Variants in C3orf20 observed in about 807,000 individuals in gnomAD.
C3orf20 encodes uncharacterized protein C3orf20.
Under a neutral mutation model 88.3 loss-of-function variants are expected in C3orf20, and 76 were observed. That is an observed-to-expected ratio of 0.86 (90% CI 0.72 to 1.04). C3orf20 has a LOEUF of 1.04. C3orf20 is among the 50% of genes least tolerant of loss of function. C3orf20 has a pLI of 0.00. For synonymous variants in C3orf20, 436 were observed against 437.4 expected (o/e 1.00, Z 0.04); for missense variants, 1,056 against 1,123.3 (o/e 0.94, Z 0.86).
intron 12 of C3orf20, among the ~76,000 whole-genome samples, chr3:14,754,305 G>A (rs1003850726): frequency 1.3e-5 from 2 of 152,162 alleles, no homozygotes; most frequent in African/African-American, 4.8e-5. Flanking sequence ...ATAAAACAAA[G>A]TCAAGCTCTG....
chr3:14,757,077 C>A (rs893156393), intron 12 of C3orf20, among the ~76,000 whole-genome samples: 1 of 152,068 alleles, frequency 6.6e-6, no homozygotes, highest in African/African-American at 2.4e-5. Context: ...AGCTTGCTGA[C>A]AAGATTAGAT....
In C3orf20 at chr3:14,703,205, A is replaced by C; in HGVS notation, c.821A>C (p.Glu274Ala). 1 of 1,614,158 alleles carries C rather than the reference A, an allele frequency of 6.2e-7. No homozygotes were observed. The highest frequency in any genetic ancestry group is 2.2e-5 in the East Asian group (1 of 44,886). ...RGVGTPANSL[E>A]FSDPCPEARE... ...GTGGGAACCCCTGCCAACAGCCTGG[A>C]GTTCAGCGACCCCTGCCCTGAGGCC... The change falls in exon 6 of 17, where the codon GAG (glutamate) becomes GCG (alanine). Residue 274 changes from glutamate (E) to alanine (A), a missense_variant. By Grantham distance (107) the Glu-to-Ala change is moderately radical. Transcript: ENST00000253697.
chr3:14,731,951 T>C lies in C3orf20; in HGVS notation c.1940+3263T>C, dbSNP rs115454317. On this transcript the variant is annotated intron_variant, in intron 12 of 16. Coordinates refer to ENST00000253697, the MANE Select transcript of C3orf20 (RefSeq NM_032137.5). ...TTTTCTGATTATGATAAAACTGCTA[T>C]AAATACTGTGAGCAGGCTTTTATGT... Among the ~76,000 whole-genome samples, 1,129 of 152,358 alleles carry C rather than the reference T, an allele frequency of 7.4e-3. 18 individuals are homozygous for C. Among genetic ancestry groups the C allele is most frequent in the African/African-American group, 0.025 (1,060 of 41,596 alleles).
At chr3:14,761,717 G>A in intron 15 of C3orf20, 102 bp downstream of exon 15, 1 of 1,271,068 alleles carries the variant, frequency 7.9e-7, no homozygotes, top group Non-Finnish European at 1.1e-6. Context: ...AGCAGGCGGG[G>A]CTGAAGGGAT....
chr3:14,686,349 C>T (rs968555403), intron 4 of C3orf20, among the ~76,000 whole-genome samples: 3 of 152,048 alleles, frequency 2.0e-5, no homozygotes, highest in African/African-American at 7.2e-5. Flanking sequence ...GGATAAATAC[C>T]CAGAAGTGGA....
chr3:14,701,045 C>T lies in C3orf20; in HGVS notation c.746-2085C>T, dbSNP rs1166355568. Among the ~76,000 whole-genome samples the T allele has an allele frequency of 6.6e-6, 1 of 152,178 alleles. No homozygotes were observed. The highest frequency in any genetic ancestry group is 2.4e-5 in the African/African-American group (1 of 41,440). On this transcript the variant is annotated intron_variant, in intron 5 of 16. Transcript: ENST00000253697. The surrounding 1 kb of genome is among the most constrained non-coding windows in gnomAD (Gnocchi z 4.6). Reference sequence around the variant, plus strand: ...TCCTAGTCAGAGCAAGAGACCGTCACCTTTGGGGAGCCCAAGGCACCTGGG... The same window carrying T: ...TCCTAGTCAGAGCAAGAGACCGTCATCTTTGGGGAGCCCAAGGCACCTGGG...
At chr3:14,713,859 A>G (rs1575117592) in intron 7 of C3orf20, 148 bp from the exon 8 acceptor site, 1 of 781,698 alleles carries the variant, frequency 1.3e-6, no homozygotes, top group South Asian at 1.8e-5. Flanking sequence ...TATAATTGTT[A>G]CTTATGCAAA....
intron 7 of C3orf20, among the ~76,000 whole-genome samples, chr3:14,712,953 C>T (rs561913447): frequency 4.6e-5 from 7 of 152,084 alleles, no homozygotes; most frequent in South Asian, 4.2e-4. Flanking sequence ...TTTTTTCCTT[C>T]GAGGTCTTTA....
chr3:14,719,203 A>C (rs922764281), intron 9 of C3orf20, among the ~76,000 whole-genome samples: 2 of 150,520 alleles, frequency 1.3e-5, no homozygotes, highest in South Asian at 2.1e-4. Context: ...TGACTCAGCT[A>C]TACTGGAAGT....
chr3:14,682,975 G>T lies in C3orf20; in HGVS notation c.262G>T (p.Val88Phe), dbSNP rs772370689. The T allele has an allele frequency of 3.7e-6, 6 of 1,613,922 alleles. No individual in the cohort carries two copies. The highest frequency in any genetic ancestry group is 1.7e-5 in the Admixed American group (1 of 59,988). The change falls in exon 3 of 17, where the codon GTC becomes TTC. Residue 88 changes from valine to phenylalanine, a missense_variant. Transcript: ENST00000253697. ...GCTCATGGAACCCACCTTTGTGCAGGTCCCCACACTGAAGAAGCCACTACC... is the reference window on the plus strand; with the variant it reads ...GCTCATGGAACCCACCTTTGTGCAGTTCCCCACACTGAAGAAGCCACTACC... Reference protein sequence around the residue: ...VVLMEPTFVQVPTLKKPLPPP... With the variant: ...VVLMEPTFVQFPTLKKPLPPP...
chr3:14,736,089 T>G (rs999701517), intron 12 of C3orf20, among the ~76,000 whole-genome samples: 2 of 152,248 alleles, frequency 1.3e-5, no homozygotes, highest in Non-Finnish European at 2.9e-5. Context: ...TTTTTCAAAA[T>G]ATTCTCTTGT....
rs113291202 is a variant in C3orf20, at chr3:14,675,847, C to T, written c.-299+595C>T. 7.2e-5 allele frequency among the ~76,000 whole-genome samples: 11 copies of T among 152,236 alleles called. No individual in the cohort carries two copies. In the East Asian group the frequency reaches 7.7e-4, roughly 11 times the overall value. On this transcript the variant is annotated intron_variant, in intron 1 of 16. Transcript: ENST00000253697. ...CTGGGATTACAGGCATGCACCACCA[C>T]GTCCAGCTAATTTTTGTATTTTTAG...
Position 14,727,059 on chromosome 3 carries a change from G to T in C3orf20, c.1690+35G>T, listed in dbSNP as rs116726966. On this transcript the variant is annotated intron_variant, in intron 11 of 16. Coordinates refer to ENST00000253697, the MANE Select transcript of C3orf20 (RefSeq NM_032137.5). ...CTGAAAGGTGGGCGAAGGCCTATCT[G>T]TTGGCTTCCCCAGTCCTGAGATTCT... The T allele has an allele frequency of 7.4e-4, 1,197 of 1,612,994 alleles. 10 individuals carry two copies. In the African/African-American group the frequency reaches 0.013, roughly 18 times the overall value.
Position 14,701,082 on chromosome 3 carries a change from A to G in C3orf20, c.746-2048A>G, listed in dbSNP as rs2124930034. On this transcript the variant is annotated intron_variant, in intron 5 of 16. Transcript: ENST00000253697. The surrounding 1 kb of genome is among the most constrained non-coding windows in gnomAD (Gnocchi z 4.6). ...CCAAGGCACCTGGGGCAGGCCAGAC[A>G]TGGAGGCTCAATCCAGCAGATGCTC... Among the ~76,000 whole-genome samples the G allele has an allele frequency of 6.6e-6, 1 of 152,336 alleles. No individual in the cohort carries two copies. The highest frequency in any genetic ancestry group is 2.1e-4 in the South Asian group (1 of 4,830).
At chr3:14,695,763 T>G (rs575547471) in intron 5 of C3orf20, among the ~76,000 whole-genome samples, 4 of 152,232 alleles carry the variant, frequency 2.6e-5, no homozygotes, top group Admixed American at 2.0e-4. Flanking sequence ...TCTCTTTCTA[T>G]AGTTTTTGTT....
At chr3:14,713,447 C>A (rs1302568100) in intron 7 of C3orf20, among the ~76,000 whole-genome samples, 1 of 152,196 alleles carries the variant, frequency 6.6e-6, no homozygotes, top group African/African-American at 2.4e-5. Flanking sequence ...ACCATGTCCT[C>A]CTTAGTCAGG....
At chr3:14,750,561 A>G (rs1053745994) in intron 12 of C3orf20, among the ~76,000 whole-genome samples, 1 of 151,998 alleles carries the variant, frequency 6.6e-6, no homozygotes, top group Admixed American at 6.6e-5. Context: ...TCTTAAAAAA[A>G]AAAAAAAAAA....
intron 12 of C3orf20, among the ~76,000 whole-genome samples, chr3:14,751,479 A>G (rs1006198730): frequency 8.5e-5 from 13 of 152,240 alleles, no homozygotes; most frequent in African/African-American, 2.9e-4. Context: ...AAGGGAAGCC[A>G]TGAGTGAATG....
Position 14,761,471 on chromosome 3 carries a change from A to C in C3orf20, c.2353-2A>C. 1 of 1,613,956 alleles carries C rather than the reference A, an allele frequency of 6.2e-7. No individual in the cohort carries two copies. Among genetic ancestry groups the C allele is most frequent in the Non-Finnish European group, 8.5e-7 (1 of 1,179,986 alleles). ...CTCTCCTCATTTCCTTCCTGTCAAC[A>C]GATGTTTGCCGGGGGGAAGCTCATT... On this transcript the variant is annotated splice_acceptor_variant, in intron 14 of 16. Coordinates refer to ENST00000253697, the MANE Select transcript of C3orf20 (RefSeq NM_032137.5). LOFTEE classifies it high-confidence loss of function.
Sources: allele counts gnomAD v4.1 joint callset (sites outside exome capture counted in the v4.1 genomes callset), GRCh38; gene constraint gnomAD v4.1.1; non-coding constraint Gnocchi (gnomAD v3.1); transcripts MANE v1.5; gene names NCBI Gene and HGNC (gene_info 2026-07-23, HGNC 2026-07-21).